The following PRKCE variants were observed in gnomAD, a reference collection of about 807,000 sequenced individuals.
The protein encoded by PRKCE is protein kinase C epsilon.
Under a neutral mutation model 85.4 loss-of-function variants are expected in PRKCE, and 16 were observed. The observed-to-expected ratio is 0.19, with a 90% CI of 0.13 to 0.28. The LOEUF (loss-of-function observed/expected upper bound fraction) is 0.28. PRKCE is among the 10% of genes least tolerant of loss of function. The pLI is 1.00. For synonymous variants in PRKCE, 388 were observed against 371.5 expected (o/e 1.04, Z -0.51); for missense variants, 573 against 975.2 (o/e 0.59, Z 5.49).
chr2:46,162,450 T>A (rs750483797), intron 14 of PRKCE, among the ~76,000 whole-genome samples: 19 of 152,150 alleles, frequency 1.2e-4, no homozygotes, highest in Non-Finnish European at 2.4e-4. Context: ...AAGACTGACT[T>A]CATCGTTGCC....
intron 1 of PRKCE, among the ~76,000 whole-genome samples, chr2:45,663,184 G>T (rs931458164): frequency 9.2e-5 from 14 of 152,132 alleles, no homozygotes; most frequent in African/African-American, 2.9e-4. Context: ...AACCAGATAT[G>T]TCCCCAAAAT....
intron 1 of PRKCE, among the ~76,000 whole-genome samples, chr2:45,760,150 A>G (rs1239236301): frequency 1.3e-5 from 2 of 152,084 alleles, no homozygotes; most frequent in Non-Finnish European, 2.9e-5. Context: ...AGGAGAAGAG[A>G]TTAGGGGTAG....
At chr2:45,908,856 GGC>G in intron 2 of PRKCE, among the ~76,000 whole-genome samples, 1 of 152,266 alleles carries the variant, frequency 6.6e-6, no homozygotes, top group East Asian at 1.9e-4. Flanking sequence ...GGGGCAGACA[GGC>G]TGTACAGTGG....
chr2:46,144,586 C>T (rs1574588918), intron 11 of PRKCE, among the ~76,000 whole-genome samples: 1 of 152,216 alleles, frequency 6.6e-6, no homozygotes, highest in Non-Finnish European at 1.5e-5. Flanking sequence ...TCACTGCCTG[C>T]ACTAGCTGTT....
chr2:46,001,350 G>A lies in PRKCE; in HGVS notation c.824-54G>A, dbSNP rs1311688385. The A allele has an allele frequency of 6.6e-7, 1 of 1,512,814 alleles. No homozygotes were observed. The highest frequency in any genetic ancestry group is 1.2e-5 in the South Asian group (1 of 80,868). 93.7% of individuals were successfully genotyped at this position (1,512,814 alleles called of 1,614,324 possible). On this transcript the variant is annotated intron_variant, in intron 6 of 14. Transcript: ENST00000306156. This position sits in a 1 kb window ranked among gnomAD's most constrained non-coding sequence, Gnocchi z 4.4. Reference sequence around the variant, plus strand: ...TATAATACAATCTCAAAGAAAAGAAGCAACATCTTAGGCCATGAACACTTA... The same window carrying A: ...TATAATACAATCTCAAAGAAAAGAAACAACATCTTAGGCCATGAACACTTA...
rs532696561 is a variant in PRKCE at position 45,857,657 on chromosome 2, C to T, written c.412+14594C>T. On this transcript the variant is annotated intron_variant, in intron 2 of 14. Transcript: ENST00000306156. ...TGAACTCCTGAGCTCAAGCAATCTG[C>T]CTGCCTTGGCCTCCCAAAGTGCTGG... Among the ~76,000 whole-genome samples, 5 of 152,180 alleles carry T rather than the reference C, an allele frequency of 3.3e-5. No individual in the cohort carries two copies. In the East Asian group the frequency reaches 7.7e-4, roughly 24 times the overall value.
intron 1 of PRKCE, among the ~76,000 whole-genome samples, chr2:45,817,777 C>G (rs1411233896): frequency 6.6e-6 from 1 of 152,186 alleles, no homozygotes; most frequent in Non-Finnish European, 1.5e-5. Flanking sequence ...CTGCAGTCAC[C>G]CTATAGATGG....
At chr2:45,795,355 C>G (rs1248343757) in intron 1 of PRKCE, among the ~76,000 whole-genome samples, 2 of 152,322 alleles carry the variant, frequency 1.3e-5, no homozygotes, top group South Asian at 4.1e-4. Context: ...GTCACCCAGG[C>G]TGGAGTGCAG....
At chr2:46,160,137 A>G in intron 14 of PRKCE, 1 of 214,198 alleles carries the variant, frequency 4.7e-6, no homozygotes. Context: ...GGAAAATATT[A>G]ACTAAATAAT....
At chr2:45,807,011 G>C (rs1309448300) in intron 1 of PRKCE, among the ~76,000 whole-genome samples, 1 of 152,188 alleles carries the variant, frequency 6.6e-6, no homozygotes, top group East Asian at 1.9e-4. Flanking sequence ...GCTTCCAAGA[G>C]CTTTCTGCAG....
At chr2:46,025,439 C>G (rs1296508661) in intron 10 of PRKCE, among the ~76,000 whole-genome samples, 1 of 152,156 alleles carries the variant, frequency 6.6e-6, no homozygotes, top group Non-Finnish European at 1.5e-5. Context: ...AATCCTTGTT[C>G]AAAGAACTGC....
intron 10 of PRKCE, 195 bp downstream of exon 10, chr2:46,010,712 C>G (rs761989876): frequency 3.8e-6 from 6 of 1,598,420 alleles, no homozygotes; most frequent in Non-Finnish European, 5.1e-6. Context: ...CAAGGTTGTG[C>G]TTGTGAAGGG....
intron 1 of PRKCE, among the ~76,000 whole-genome samples, chr2:45,817,110 T>TGTGC (rs35748796): frequency 7.8e-6 from 1 of 127,704 alleles, no homozygotes; most frequent in African/African-American, 3.0e-5. Flanking sequence ...TGTGTGTGTG[T>TGTGC]TGTGGGTAGG....
rs1680511685 is a variant in PRKCE, at chr2:46,187,242, C to T, written c.*2361C>T. 1 of 152,588 alleles carries T rather than the reference C, an allele frequency of 6.6e-6. No individual in the cohort carries two copies. Among genetic ancestry groups the T allele is most frequent in the Admixed American group, 6.5e-5 (1 of 15,282 alleles). 9.5% of individuals were successfully genotyped at this position (152,588 alleles called of 1,614,324 possible). A position where few individuals can be genotyped will look rare whatever the true frequency, so the allele number is the denominator to read the frequency against. Reference sequence around the variant, plus strand: ...CACGGCAGTGGGAACTGGGCCTTTCCTACAGGACAACTGGCAAGTTTGCTG... The same window carrying T: ...CACGGCAGTGGGAACTGGGCCTTTCTTACAGGACAACTGGCAAGTTTGCTG... On this transcript the variant is annotated 3_prime_UTR_variant, in exon 15 of 15. Transcript: ENST00000306156.
chr2:45,982,306 C>T (rs1325157433), intron 5 of PRKCE, among the ~76,000 whole-genome samples: 1 of 152,232 alleles, frequency 6.6e-6, no homozygotes, highest in South Asian at 2.1e-4. Flanking sequence ...GATGCCTGTG[C>T]ATACACACAT....
At chr2:45,947,197 G>A (rs530028307) in intron 2 of PRKCE, among the ~76,000 whole-genome samples, 2 of 152,332 alleles carry the variant, frequency 1.3e-5, no homozygotes, top group South Asian at 4.1e-4. Flanking sequence ...TCACTATGCT[G>A]AGTGAAAGAT....
chr2:45,744,531 TTTCC>T lies in PRKCE; in HGVS notation c.348+92087_348+92090del, dbSNP rs1159897568. On this transcript the variant is annotated intron_variant, in intron 1 of 14. Transcript: ENST00000306156. ...TTCTTTCTTTCTTTCTTTCTTTTTC[TTTCC>T]TTCTTTCTTTCTTTCTTCCTTCCTT... is the stretch of plus-strand genomic sequence containing the variant. Among the ~76,000 whole-genome samples, 4 of 36,136 alleles carry T rather than the reference TTTCC, an allele frequency of 1.1e-4. 1 individual carries two copies. Among genetic ancestry groups the T allele is most frequent in the African/African-American group, 3.4e-4 (4 of 11,770 alleles). The allele number at this position is 36,136 out of a possible 152,430, so 23.7% of individuals were successfully genotyped here.
chr2:46,089,273 G>A (rs1259282422), intron 11 of PRKCE, among the ~76,000 whole-genome samples: 1 of 152,090 alleles, frequency 6.6e-6, no homozygotes, highest in Non-Finnish European at 1.5e-5. Flanking sequence ...CTTCACATAT[G>A]TATATCCAGC....
intron 6 of PRKCE, among the ~76,000 whole-genome samples, chr2:45,986,120 C>A (rs1335970413): frequency 6.6e-6 from 1 of 152,196 alleles, no homozygotes; most frequent in African/African-American, 2.4e-5. Flanking sequence ...CCATGGAAGC[C>A]AAAAGAGTAG....
Sources: allele counts gnomAD v4.1 joint callset (sites outside exome capture counted in the v4.1 genomes callset), GRCh38; gene constraint gnomAD v4.1.1; non-coding constraint Gnocchi (gnomAD v3.1); transcripts MANE v1.5; gene names NCBI Gene and HGNC (gene_info 2026-07-23, HGNC 2026-07-21).